The following TMEM72 variants were observed in gnomAD, a reference collection of about 807,000 sequenced individuals.
TMEM72 encodes the protein kidney-specific secretory protein of 37 kDa.
Under a neutral mutation model 16.3 loss-of-function variants are expected in TMEM72, and 9 were observed. The ratio of observed to expected loss-of-function variants is 0.55; its 90% CI spans 0.33 to 0.96. The LOEUF (loss-of-function observed/expected upper bound fraction) is 0.96. Among genes scored for constraint, TMEM72 ranks in the 40% least tolerant of loss-of-function variants. The pLI is 0.03. For synonymous variants in TMEM72, 160 were observed against 146.5 expected (o/e 1.09, Z -0.66); for missense variants, 324 against 337.8 (o/e 0.96, Z 0.32).
chr10:44,935,289 G>A lies in TMEM72; in HGVS notation c.*155G>A. ...CTGAGGCCATCAGGAGGTGTGACTG[G>A]CCAGCATTTCTGGAGAGGCCTCGAG... On this transcript the variant is annotated 3_prime_UTR_variant, in exon 5 of 5. Transcript: ENST00000389583. The A allele has an allele frequency of 1.4e-6, 1 of 692,032 alleles. No individual in the cohort carries two copies. The highest frequency in any genetic ancestry group is 2.3e-6 in the Non-Finnish European group (1 of 439,508). The allele number at this position is 692,032 out of a possible 1,614,324, so 42.9% of individuals were successfully genotyped here.
Position 44,935,374 on chromosome 10 carries a change from C to A in TMEM72, c.*240C>A, listed in dbSNP as rs1475139779. 4 of 466,638 alleles carry A rather than the reference C, an allele frequency of 8.6e-6. No individual in the cohort carries two copies. Among genetic ancestry groups the A allele is most frequent in the East Asian group, 3.3e-5 (1 of 30,286 alleles). 28.9% of individuals were successfully genotyped at this position (466,638 alleles called of 1,614,324 possible). A position where few individuals can be genotyped will look rare whatever the true frequency, so the allele number is the denominator to read the frequency against. ...AGCACAAGCTCCTTCCTCCTGGCCACAGGTGGGGAAACCCTTATGCTTCCC... is the reference window on the plus strand; with the variant it reads ...AGCACAAGCTCCTTCCTCCTGGCCAAAGGTGGGGAAACCCTTATGCTTCCC... On this transcript the variant is annotated 3_prime_UTR_variant, in exon 5 of 5. Coordinates refer to ENST00000389583, the MANE Select transcript of TMEM72 (RefSeq NM_001123376.3).
Sources: allele counts gnomAD v4.1 joint callset, GRCh38; gene constraint gnomAD v4.1.1; transcripts MANE v1.5; gene names NCBI Gene and HGNC (gene_info 2026-07-23, HGNC 2026-07-21).